CPQ: variants seen among roughly 807,000 people sequenced by gnomAD.
CPQ encodes Ser-Met dipeptidase.
In CPQ, 37 loss-of-function variants were observed where a neutral mutation model predicts 45.7. The ratio of observed to expected loss-of-function variants is 0.81; its 90% CI spans 0.62 to 1.07. CPQ has a LOEUF of 1.07. Ranked by LOEUF, CPQ falls within the 50% of genes least tolerant of loss-of-function variation. The pLI is 0.00. For missense variants in CPQ, 537 were observed against 572.9 expected (o/e 0.94, Z 0.64); for synonymous variants, 186 against 205.8 (o/e 0.90, Z 0.82).
chr8:97,099,340 AG>A (rs1380148532), intron 7 of CPQ, among the ~76,000 whole-genome samples: 3 of 151,752 alleles, frequency 2.0e-5, no homozygotes, highest in Non-Finnish European at 4.4e-5. Context: ...CATGTTGGCC[AG>A]GCTGGTCTCG....
chr8:96,909,639 T>C (rs747087027), intron 4 of CPQ, among the ~76,000 whole-genome samples: 1 of 152,210 alleles, frequency 6.6e-6, no homozygotes, highest in Non-Finnish European at 1.5e-5. Flanking sequence ...CCTGCTGTTA[T>C]TGGCCTCTGT....
chr8:96,855,520 A>G (rs1054178169), intron 3 of CPQ, among the ~76,000 whole-genome samples: 6 of 152,160 alleles, frequency 3.9e-5, no homozygotes, highest in African/African-American at 1.4e-4. Context: ...TCATTTTAAA[A>G]TTCAGGTCTT....
intron 6 of CPQ, among the ~76,000 whole-genome samples, chr8:97,055,827 C>T (rs542467740): frequency 6.6e-6 from 1 of 152,280 alleles, no homozygotes; most frequent in East Asian, 1.9e-4. Context: ...AGGCCGGGCA[C>T]AGTGGCTCAT....
chr8:96,871,853 G>A (rs978089032), intron 3 of CPQ, among the ~76,000 whole-genome samples: 1 of 151,746 alleles, frequency 6.6e-6, no homozygotes, highest in Admixed American at 6.6e-5. Context: ...TCTGTCCTGG[G>A]TTTCTTCTAG....
intron 2 of CPQ, among the ~76,000 whole-genome samples, chr8:96,793,844 C>A (rs1451232687): frequency 2.0e-5 from 3 of 152,202 alleles, no homozygotes; most frequent in Non-Finnish European, 4.4e-5. Flanking sequence ...AGGTCCCATG[C>A]AAGTCCAAAA....
chr8:97,143,402 T>C lies in CPQ; in HGVS notation c.*219T>C, dbSNP rs368998268. The stretch of plus-strand genomic sequence containing the variant: ...CCTCCCACCACATAGAATCAACATA[T>C]GGTAGGGATTACAGTGGGGGCATTT... On this transcript the variant is annotated 3_prime_UTR_variant, in exon 8 of 8. Coordinates refer to ENST00000220763, the MANE Select transcript of CPQ (RefSeq NM_016134.4). 137 of 483,134 alleles carry C rather than the reference T, an allele frequency of 2.8e-4. No individual in the cohort carries two copies. Among genetic ancestry groups the C allele is most frequent in the African/African-American group, 1.6e-3 (84 of 51,080 alleles). 29.9% of individuals were successfully genotyped at this position (483,134 alleles called of 1,614,324 possible).
intron 3 of CPQ, among the ~76,000 whole-genome samples, chr8:96,872,311 A>G (rs1254254288): frequency 6.6e-6 from 1 of 151,966 alleles, no homozygotes; most frequent in African/African-American, 2.4e-5. Flanking sequence ...GCCACTGGCC[A>G]CAGAAGTCAT....
intron 4 of CPQ, among the ~76,000 whole-genome samples, chr8:96,880,483 T>A (rs1401283709): frequency 7.0e-6 from 1 of 143,654 alleles, no homozygotes; most frequent in Non-Finnish European, 1.5e-5. Context: ...TAGGTGCCCA[T>A]CAATGGTGGG....
intron 1 of CPQ, among the ~76,000 whole-genome samples, chr8:96,717,047 A>ATATG (rs1809687537): frequency 1.5e-5 from 1 of 65,668 alleles, no homozygotes; most frequent in Non-Finnish European, 3.1e-5. Flanking sequence ...ATATATATAT[A>ATATG]TATATATATA....
rs183347609 is a variant in CPQ at position 96,977,990 on chromosome 8, A to T, written c.961+11944A>T. Reference sequence around the variant, plus strand: ...CTATTGAAATAAAAAAAAATTTTTTAAAAGAATTTGTTCCTTTCCTTTTTT... The same window carrying T: ...CTATTGAAATAAAAAAAAATTTTTTTAAAGAATTTGTTCCTTTCCTTTTTT... On this transcript the variant is annotated intron_variant, in intron 5 of 7. Transcript: ENST00000220763. Among the ~76,000 whole-genome samples, 600 of 152,352 alleles carry T rather than the reference A, an allele frequency of 3.9e-3. 4 individuals carry two copies. Among genetic ancestry groups the T allele is most frequent in the Middle Eastern group, 0.02 (6 of 294 alleles).
chr8:96,863,228 G>A (rs1231679789), intron 3 of CPQ, among the ~76,000 whole-genome samples: 3 of 152,074 alleles, frequency 2.0e-5, no homozygotes, highest in African/African-American at 7.2e-5. Context: ...GCAGGGGGAG[G>A]ATGATGGTTT....
At position 96,973,327 on chromosome 8, in the gene CPQ, A is replaced by G. The variant is rs577166072; in HGVS notation, c.961+7281A>G. ...CTAATCTGTCAAAGACAAAGAAAAA[A>G]GAATGAAAAAATTGAACAAAGCCTC... On this transcript the variant is annotated intron_variant, in intron 5 of 7. Transcript: ENST00000220763. 5.3e-5 allele frequency among the ~76,000 whole-genome samples: 8 copies of G among 152,264 alleles called. No homozygotes were observed. The East Asian group carries it at 1.5e-3, about 29-fold the overall frequency.
At chr8:96,775,164 C>T (rs1202397558) in intron 1 of CPQ, among the ~76,000 whole-genome samples, 5 of 152,006 alleles carry the variant, frequency 3.3e-5, no homozygotes, top group African/African-American at 4.8e-5. Flanking sequence ...GCTGGAAGAG[C>T]GGGAAGAAAA....
intron 5 of CPQ, among the ~76,000 whole-genome samples, chr8:96,996,399 G>A (rs1030410232): frequency 5.9e-5 from 9 of 151,934 alleles, no homozygotes; most frequent in African/African-American, 2.2e-4. Flanking sequence ...ACCAGGAAAG[G>A]TTTAGATAAC....
chr8:96,978,712 A>G (rs1235961650), intron 5 of CPQ, among the ~76,000 whole-genome samples: 1 of 152,168 alleles, frequency 6.6e-6, no homozygotes, highest in Non-Finnish European at 1.5e-5. Context: ...AATTGGTATC[A>G]TTTATCCTGG....
At chr8:97,108,602 C>T (rs1367831443) in intron 7 of CPQ, among the ~76,000 whole-genome samples, 1 of 152,146 alleles carries the variant, frequency 6.6e-6, no homozygotes, top group African/African-American at 2.4e-5. Flanking sequence ...AGTGATTCAG[C>T]GATTACCTCT....
intron 4 of CPQ, among the ~76,000 whole-genome samples, chr8:96,905,866 T>C (rs554935642): frequency 6.6e-6 from 1 of 152,110 alleles, no homozygotes. Context: ...GTTTGGGTAC[T>C]TGGGCAGACA....
intron 2 of CPQ, among the ~76,000 whole-genome samples, chr8:96,807,188 T>C (rs1811089887): frequency 6.6e-6 from 1 of 152,132 alleles, no homozygotes; most frequent in Non-Finnish European, 1.5e-5. Context: ...TGCTGATCCC[T>C]GATCCCTTGT....
intron 7 of CPQ, among the ~76,000 whole-genome samples, chr8:97,089,335 T>G (rs1473743181): frequency 6.6e-6 from 1 of 152,158 alleles, no homozygotes; most frequent in Non-Finnish European, 1.5e-5. Context: ...TTAAGAAAGT[T>G]GCATTGCTTC....
Sources: gnomAD v4.1 joint callset for allele counts (sites outside exome capture counted in the v4.1 genomes callset) on GRCh38, gnomAD v4.1.1 for gene constraint, MANE v1.5 for transcripts, NCBI Gene and HGNC (gene_info 2026-07-23, HGNC 2026-07-21) for gene names.